Variants in FRMD4A observed in about 807,000 individuals in gnomAD.
FRMD4A encodes the protein FERM domain containing 4A, also known as FERM domain-containing protein 4A.
In FRMD4A, 29 loss-of-function variants were observed where a neutral mutation model predicts 129.1. That is an observed-to-expected ratio of 0.22 (90% confidence interval 0.17 to 0.31). The LOEUF is 0.31. FRMD4A is among the 10% of genes least tolerant of loss of function. FRMD4A has a pLI of 1.00. For missense variants in FRMD4A, 1,272 were observed against 1,375.8 expected (o/e 0.92, Z 1.19); for synonymous variants, 634 against 571.6 (o/e 1.11, Z -1.56).
chr10:14,184,422 T>C (rs1173873529), intron 2 of FRMD4A, among the ~76,000 whole-genome samples: 9 of 151,832 alleles, frequency 5.9e-5, no homozygotes, highest in Admixed American at 5.9e-4. Context: ...CCATTTTCTA[T>C]ACCCAGCTTG....
intron 2 of FRMD4A, among the ~76,000 whole-genome samples, chr10:14,205,787 A>G (rs538177881): frequency 3.7e-5 from 5 of 133,938 alleles, no homozygotes; most frequent in African/African-American, 1.1e-4. Context: ...AGCCTGGGCG[A>G]CAGAGCGAGA....
At chr10:14,072,861 G>A (rs1835380325) in intron 2 of FRMD4A, among the ~76,000 whole-genome samples, 1 of 152,162 alleles carries the variant, frequency 6.6e-6, no homozygotes, top group Non-Finnish European at 1.5e-5. Context: ...CCGGAAAATA[G>A]CTTTCCTTTC....
intron 8 of FRMD4A, among the ~76,000 whole-genome samples, chr10:13,750,085 A>AAAGAAAGAAAGAAAGAAATG (rs2091513292): frequency 2.5e-5 from 2 of 81,098 alleles, no homozygotes; most frequent in Non-Finnish European, 5.2e-5. Flanking sequence ...AGAAAGAAAG[A>AAAGAAAGAAAGAAAGAAATG]AAGAAAGAAA....
intron 2 of FRMD4A, among the ~76,000 whole-genome samples, chr10:14,094,884 T>A (rs577628008): frequency 6.6e-6 from 1 of 152,290 alleles, no homozygotes; most frequent in South Asian, 2.1e-4. Context: ...TATGTGCATG[T>A]ATGTATATCT....
intron 2 of FRMD4A, among the ~76,000 whole-genome samples, chr10:13,930,503 G>A (rs569343852): frequency 1.3e-5 from 2 of 152,290 alleles, no homozygotes; most frequent in East Asian, 3.9e-4. Flanking sequence ...GGAGGCTCAG[G>A]GACATGCCTA....
chr10:14,189,946 T>C (rs1327700370), intron 2 of FRMD4A, among the ~76,000 whole-genome samples: 1 of 152,230 alleles, frequency 6.6e-6, no homozygotes, highest in Non-Finnish European at 1.5e-5. Flanking sequence ...GCTTGCAAAC[T>C]TCATAGGGCG....
chr10:14,055,966 G>T (rs535268389), intron 2 of FRMD4A, among the ~76,000 whole-genome samples: 1 of 151,992 alleles, frequency 6.6e-6, no homozygotes, highest in South Asian at 2.1e-4. Context: ...ACGGAGTCTC[G>T]CTCTTTCGCC....
rs189880055 is a variant in FRMD4A, at chr10:14,197,290, A to C, written c.45+132768T>G. On this transcript the variant is annotated intron_variant, in intron 2 of 24. Transcript: ENST00000357447. ...AACCACGTGATAACTTTTAAGGGCA[A>C]AAGGAGACAATATGAATAATAATAT... Among the ~76,000 whole-genome samples the C allele has an allele frequency of 2.7e-4, 41 of 152,340 alleles. No homozygotes were observed. In the East Asian group the frequency reaches 5.4e-3, roughly 20 times the overall value.
intron 4 of FRMD4A, among the ~76,000 whole-genome samples, chr10:13,797,267 C>A (rs2130828380): frequency 6.6e-6 from 1 of 152,340 alleles, no homozygotes; most frequent in Non-Finnish European, 1.5e-5. Context: ...TGAAAGCACA[C>A]TTGAAAACAT....
chr10:13,756,785 G>T (rs1380273138), intron 8 of FRMD4A, among the ~76,000 whole-genome samples: 1 of 152,128 alleles, frequency 6.6e-6, no homozygotes, highest in South Asian at 2.1e-4. Flanking sequence ...TTCAGTTAAG[G>T]TCCCTTATAG....
chr10:13,726,413 G>T (rs2089897181), intron 12 of FRMD4A, among the ~76,000 whole-genome samples: 1 of 152,212 alleles, frequency 6.6e-6, no homozygotes, highest in Non-Finnish European at 1.5e-5. Context: ...CTCTAGGAAA[G>T]AATTTGACTT....
intron 2 of FRMD4A, among the ~76,000 whole-genome samples, chr10:14,034,722 T>C (rs1342548564): frequency 5.9e-5 from 9 of 152,320 alleles, no homozygotes; most frequent in African/African-American, 1.7e-4. Context: ...GAGAGACGGA[T>C]GTCCAGTGAC....
At chr10:13,728,333 T>A (rs1202293648) in intron 12 of FRMD4A, among the ~76,000 whole-genome samples, 1 of 151,864 alleles carries the variant, frequency 6.6e-6, no homozygotes, top group Non-Finnish European at 1.5e-5. Flanking sequence ...CCTTGGTGAG[T>A]TGAGTCTCTT....
chr10:14,026,928 C>G, intron 2 of FRMD4A, among the ~76,000 whole-genome samples: 1 of 152,266 alleles, frequency 6.6e-6, no homozygotes, highest in East Asian at 1.9e-4. Flanking sequence ...TGTTCAACAT[C>G]AAATTTTCTT....
At chr10:13,804,700 A>G (rs888786561) in intron 4 of FRMD4A, among the ~76,000 whole-genome samples, 134 of 144,744 alleles carry the variant, frequency 9.3e-4, no homozygotes, top group Non-Finnish European at 9.3e-4. Context: ...GGCTGCCACC[A>G]CACCCAGCTA....
At chr10:13,722,850 G>A (rs1270552156) in intron 12 of FRMD4A, among the ~76,000 whole-genome samples, 2 of 152,156 alleles carry the variant, frequency 1.3e-5, no homozygotes, top group Admixed American at 6.5e-5. Flanking sequence ...TCACCATGCT[G>A]GTTAGGTAGG....
At chr10:13,949,276 C>T (rs557130874) in intron 2 of FRMD4A, among the ~76,000 whole-genome samples, 1 of 136,126 alleles carries the variant, frequency 7.3e-6, no homozygotes, top group South Asian at 2.4e-4. Context: ...GTGAGACGAG[C>T]TCCCAAGTTC....
chr10:14,235,311 G>C (rs1046718762), intron 2 of FRMD4A, among the ~76,000 whole-genome samples: 1 of 145,510 alleles, frequency 6.9e-6, no homozygotes, highest in Non-Finnish European at 1.5e-5. Context: ...ACCATGCCCA[G>C]CTAATTTTTT....
chr10:14,177,822 A>G (rs1377253943), intron 2 of FRMD4A, among the ~76,000 whole-genome samples: 3 of 152,190 alleles, frequency 2.0e-5, no homozygotes, highest in Non-Finnish European at 2.9e-5. Flanking sequence ...GGTTGTTTAC[A>G]CACCAGCCAT....
Sources: allele counts gnomAD v4.1 joint callset (sites outside exome capture counted in the v4.1 genomes callset), GRCh38; gene constraint gnomAD v4.1.1; transcripts MANE v1.5; gene names NCBI Gene and HGNC (gene_info 2026-07-23, HGNC 2026-07-21).